ZSCAN25: variants seen among roughly 807,000 people sequenced by gnomAD.
ZSCAN25 encodes zinc finger and SCAN domain containing 25.
ZSCAN25 carries 27 observed loss-of-function variants against 38.7 expected under a neutral mutation model. The observed-to-expected ratio is 0.70, with a 90% confidence interval of 0.51 to 0.96. ZSCAN25 has a LOEUF of 0.96. Ranked by LOEUF, ZSCAN25 falls within the 40% of genes least tolerant of loss-of-function variation. The probability of loss-of-function intolerance (pLI) is 0.00; values close to 1 mark genes in which losing one functional copy is unlikely to be tolerated. For synonymous variants in ZSCAN25, 273 were observed against 277.7 expected, an observed-to-expected ratio of 0.98 and a Z score of 0.17; for missense variants, 637 against 705.9, an observed-to-expected ratio of 0.90 and a Z score of 1.11.
the ZSCAN25 span, chr7:99,720,184 G>T: frequency 2.7e-6 from 3 of 1,110,366 alleles, no homozygotes; most frequent in Non-Finnish European, 4.0e-6. Flanking sequence ...CATGGGGGAT[G>T]GGCAGGATGA....
At chr7:99,729,043 T>C in the ZSCAN25 span, among the ~76,000 whole-genome samples, 2 of 152,096 alleles carry the variant, frequency 1.3e-5, no homozygotes, top group Non-Finnish European at 1.5e-5. Context: ...TATGACAATA[T>C]AAAAAAGCTT....
the ZSCAN25 span, among the ~76,000 whole-genome samples, chr7:99,702,706 C>G: frequency 2.0e-5 from 3 of 152,114 alleles, no homozygotes; most frequent in Non-Finnish European, 4.4e-5. Flanking sequence ...GTTCTTTTTG[C>G]TGAAGATAGC....
chr7:99,715,815 C>T, the ZSCAN25 span: 161 of 1,613,872 alleles, frequency 1.0e-4, 3 homozygotes, highest in South Asian at 1.7e-3. Context: ...TTGGTGTTTT[C>T]CACAAAGGGG....
chr7:99,661,340 T>G, the ZSCAN25 span, among the ~76,000 whole-genome samples: 66 of 152,298 alleles, frequency 4.3e-4, no homozygotes, highest in African/African-American at 1.6e-3. Context: ...CAACCTCACT[T>G]AAGCAGCATG....
At chr7:99,692,384 C>G in the ZSCAN25 span, among the ~76,000 whole-genome samples, 10 of 152,056 alleles carry the variant, frequency 6.6e-5, no homozygotes, top group African/African-American at 2.2e-4. Flanking sequence ...TGGGGTTGCT[C>G]TTTTTGAGGA....
chr7:99,714,785 T>C, the ZSCAN25 span: 1 of 1,542,478 alleles, frequency 6.5e-7, no homozygotes, highest in Non-Finnish European at 8.7e-7. Context: ...GTGAAATACA[T>C]CAGTGTTCTC....
At chr7:99,632,986 G>GTTTTTTTTTTTTTTTTTTTTTTTTTTTT (rs201141594), downstream of ZSCAN25, among the ~76,000 whole-genome samples, 50 of 141,508 alleles carry the variant, frequency 3.5e-4, 1 homozygote, top group Middle Eastern at 3.6e-3. Flanking sequence ...TGCATTTTCT[G>GTTTTTTTTTTTTTTTTTTTTTTTTTTTT]TTGTTTTTTT....
the ZSCAN25 span, among the ~76,000 whole-genome samples, chr7:99,689,855 G>A: frequency 1.3e-5 from 2 of 152,320 alleles, no homozygotes; most frequent in African/African-American, 4.8e-5. Context: ...AATCAATATT[G>A]TGAAAATGGC....
the ZSCAN25 span, among the ~76,000 whole-genome samples, chr7:99,668,881 T>G: frequency 6.6e-6 from 1 of 152,156 alleles, no homozygotes; most frequent in Non-Finnish European, 1.5e-5. Context: ...AGGTATTAGG[T>G]GTGTTTGTGG....
At chr7:99,713,137 A>C in the ZSCAN25 span, among the ~76,000 whole-genome samples, 1 of 152,212 alleles carries the variant, frequency 6.6e-6, no homozygotes, top group African/African-American at 2.4e-5. Context: ...TTTTTGCAGA[A>C]ACCTAATAAA....
At chr7:99,634,951 A>G (rs1237812554), downstream of ZSCAN25, among the ~76,000 whole-genome samples, 1 of 152,136 alleles carries the variant, frequency 6.6e-6, no homozygotes, top group Non-Finnish European at 1.5e-5. Flanking sequence ...CAATAGTAAT[A>G]ATAATAATAA....
At chr7:99,705,382 G>A in the ZSCAN25 span, 1 of 1,136,316 alleles carries the variant, frequency 8.8e-7, no homozygotes, top group East Asian at 2.5e-5. Context: ...GATTATTTAT[G>A]CAGCACATTG....
the ZSCAN25 span, among the ~76,000 whole-genome samples, chr7:99,705,877 G>T: frequency 6.6e-6 from 1 of 152,116 alleles, no homozygotes; most frequent in African/African-American, 2.4e-5. Context: ...GTTCTTTTTT[G>T]ATTTAAATTT....
chr7:99,691,294 G>C, the ZSCAN25 span, among the ~76,000 whole-genome samples: 2 of 152,030 alleles, frequency 1.3e-5, no homozygotes, highest in African/African-American at 4.8e-5. Context: ...GGACTGTTGT[G>C]GGGTAGGGGG....
the ZSCAN25 span, among the ~76,000 whole-genome samples, chr7:99,692,915 C>T: frequency 6.6e-6 from 1 of 152,216 alleles, no homozygotes; most frequent in African/African-American, 2.4e-5. Context: ...CAAACTCATT[C>T]TCTGTCCAGT....
At chr7:99,656,206 G>A in the ZSCAN25 span, among the ~76,000 whole-genome samples, 8 of 152,158 alleles carry the variant, frequency 5.3e-5, no homozygotes, top group African/African-American at 1.7e-4. Context: ...GTATGATATT[G>A]GCTGTGGGTT....
In ZSCAN25 at chr7:99,619,569, A is replaced by G. The variant is rs763994733; in HGVS notation, c.-38A>G. 108 of 1,571,796 alleles carry G rather than the reference A, an allele frequency of 6.9e-5. No homozygotes were observed. The highest frequency in any genetic ancestry group is 3.4e-4 in the Middle Eastern group (2 of 5,880). On this transcript the variant is annotated 5_prime_UTR_variant, in exon 4 of 8. It removes an upstream start codon present in the reference 5' UTR. Coordinates refer to ENST00000394152, the MANE Select transcript of ZSCAN25 (RefSeq NM_145115.3). ...TCTCTTGTTCTCAAAAGGGTCATTGATGCAGTCATTCTCAGTCTCCTCGGA... is the reference window on the plus strand; with the variant it reads ...TCTCTTGTTCTCAAAAGGGTCATTGGTGCAGTCATTCTCAGTCTCCTCGGA...
downstream of ZSCAN25, among the ~76,000 whole-genome samples, chr7:99,637,117 CTT>C (rs558888709): frequency 2.0e-3 from 310 of 152,224 alleles, 1 homozygote; most frequent in African/African-American, 7.0e-3. Flanking sequence ...TAAAAAATGA[CTT>C]ATAGCTTCAG....
At chr7:99,683,972 TTGAC>T in the ZSCAN25 span, among the ~76,000 whole-genome samples, 1 of 152,106 alleles carries the variant, frequency 6.6e-6, no homozygotes. Context: ...AATTGACCAA[TTGAC>T]TGTTTCTTAT....
Sources: gnomAD v4.1 joint callset for allele counts (sites outside exome capture counted in the v4.1 genomes callset) on GRCh38, gnomAD v4.1.1 for gene constraint, MANE v1.5 for transcripts, NCBI Gene and HGNC (gene_info 2026-07-23, HGNC 2026-07-21) for gene names.